TATDN1: variants seen among roughly 807,000 people sequenced by gnomAD.
TATDN1 encodes the protein TatD DNase domain containing 1.
A neutral mutation model predicts 46.4 loss-of-function variants in TATDN1; 40 were observed. The observed-to-expected ratio is 0.86, with a 90% confidence interval of 0.67 to 1.12. TATDN1 has a LOEUF of 1.12. Among genes scored for constraint, TATDN1 ranks in the 50% most tolerant of loss-of-function variants. The pLI, the probability that TATDN1 is intolerant of heterozygous loss-of-function variation, is 0.00. For missense variants in TATDN1, 326 were observed against 348.4 expected (o/e 0.94, Z 0.51); for synonymous variants, 95 against 105.6 (o/e 0.90, Z 0.62).
At chr8:124,506,372 A>ATT (rs1818435286) in intron 8 of TATDN1, among the ~76,000 whole-genome samples, 1 of 151,674 alleles carries the variant, frequency 6.6e-6, no homozygotes, top group African/African-American at 2.4e-5. Context: ...AGAAAAAAAG[A>ATT]AAAGAAATAA....
At chr8:124,513,303 T>C (rs1444397427) in intron 6 of TATDN1, among the ~76,000 whole-genome samples, 3 of 152,216 alleles carry the variant, frequency 2.0e-5, no homozygotes, top group Non-Finnish European at 4.4e-5. Flanking sequence ...TCCTCCTACT[T>C]TGTCATTAGC....
intron 1 of TATDN1, among the ~76,000 whole-genome samples, chr8:124,531,885 T>C (rs1385582434): frequency 6.6e-6 from 1 of 152,258 alleles, no homozygotes; most frequent in African/African-American, 2.4e-5. Flanking sequence ...AGATTATGTA[T>C]GAAGGTTGTT....
At chr8:124,505,277 G>A (rs574228937) in intron 8 of TATDN1, among the ~76,000 whole-genome samples, 11 of 151,492 alleles carry the variant, frequency 7.3e-5, no homozygotes, top group East Asian at 2.0e-4. Context: ...CCAACTACTC[G>A]GGAGGCTGAG....
intron 1 of TATDN1, among the ~76,000 whole-genome samples, chr8:124,533,149 G>A (rs905975927): frequency 6.6e-6 from 1 of 152,080 alleles, no homozygotes; most frequent in African/African-American, 2.4e-5. Context: ...CTACTCAGGA[G>A]GCTGAGGCAG....
chr8:124,527,087 A>C (rs1020775441), intron 1 of TATDN1, among the ~76,000 whole-genome samples: 1 of 152,236 alleles, frequency 6.6e-6, no homozygotes, highest in African/African-American at 2.4e-5. Context: ...CCTTTGGCTG[A>C]GAACAAAAGC....
intron 11 of TATDN1, among the ~76,000 whole-genome samples, chr8:124,490,754 G>GT (rs71289672): frequency 0.035 from 5,041 of 144,684 alleles, 284 homozygotes; most frequent in African/African-American, 0.12. Context: ...ACAGGTTTTT[G>GT]TTTTTTTTTT....
intron 6 of TATDN1, 72 bp from the exon 7 acceptor site, chr8:124,508,760 A>C: frequency 1.0e-6 from 1 of 959,314 alleles, no homozygotes; most frequent in Admixed American, 3.2e-5. Flanking sequence ...TGATGTCAAA[A>C]GAGCTTTTAA....
At chr8:124,532,128 G>A (rs746618082) in intron 1 of TATDN1, among the ~76,000 whole-genome samples, 3 of 152,182 alleles carry the variant, frequency 2.0e-5, no homozygotes, top group East Asian at 3.9e-4. Flanking sequence ...AGTACAACTC[G>A]GGAAGGAGCC....
chr8:124,522,885 A>C, intron 2 of TATDN1, 52 bp downstream of exon 2: 1 of 1,485,132 alleles, frequency 6.7e-7, no homozygotes, highest in South Asian at 1.1e-5. Flanking sequence ...CTCCTGAGGC[A>C]GAAAATTTGT....
At chr8:124,537,067 TAA>T (rs1231353369) in intron 1 of TATDN1, among the ~76,000 whole-genome samples, 2 of 152,314 alleles carry the variant, frequency 1.3e-5, no homozygotes, top group East Asian at 3.9e-4. Flanking sequence ...TTTATTCCAA[TAA>T]AGTCACCTTC....
At chr8:124,535,465 G>A (rs568602824) in intron 1 of TATDN1, among the ~76,000 whole-genome samples, 76 of 152,286 alleles carry the variant, frequency 5.0e-4, no homozygotes, top group South Asian at 1.9e-3. Context: ...TACCATTTTG[G>A]ACATGACCAC....
Position 124,518,864 on chromosome 8 carries a change from T to A in TATDN1, c.156A>T (p.Gly52=). Residue 52 remains glycine (G), a synonymous_variant, in exon 4 of 12, where the codon GGA becomes GGT. Transcript: ENST00000276692. ...GTGCATCTTTACTGTCTTGTAGATT[T>A]CCACCTGTAATCATAAACTGAAATA... ...IGVKKFMITG[G]NLQDSKDALH... is the part of the protein sequence containing the mutation. 1 of 1,610,554 alleles carries A rather than the reference T, an allele frequency of 6.2e-7. No homozygotes were observed. Among genetic ancestry groups the A allele is most frequent in the Non-Finnish European group, 8.5e-7 (1 of 1,177,368 alleles).
chr8:124,510,762 T>G lies in TATDN1; in HGVS notation c.390-2074A>C, dbSNP rs80355845. On this transcript the variant is annotated intron_variant, in intron 6 of 11. Transcript: ENST00000276692. Reference sequence around the variant, plus strand: ...TGCTTGAGCCTGGCGAGGTCAAGGCTGCGGTGAGCCATGATCACACCACTG... The same window carrying G: ...TGCTTGAGCCTGGCGAGGTCAAGGCGGCGGTGAGCCATGATCACACCACTG... 3.9e-5 allele frequency among the ~76,000 whole-genome samples: 6 copies of G among 152,068 alleles called. No individual in the cohort carries two copies. The East Asian group carries it at 9.6e-4, about 24-fold the overall frequency.
At chr8:124,537,674 G>A (rs1316033052) in intron 1 of TATDN1, among the ~76,000 whole-genome samples, 3 of 151,982 alleles carry the variant, frequency 2.0e-5, no homozygotes, top group Admixed American at 6.6e-5. Flanking sequence ...CTTTCTTTAC[G>A]GAGTACTTCA....
chr8:124,528,452 G>C (rs534175260), intron 1 of TATDN1, among the ~76,000 whole-genome samples: 1 of 152,052 alleles, frequency 6.6e-6, no homozygotes, highest in Non-Finnish European at 1.5e-5. Flanking sequence ...GGATCACAGG[G>C]GTGAGCCACT....
At chr8:124,513,911 C>T (rs558524605) in intron 6 of TATDN1, among the ~76,000 whole-genome samples, 59 of 152,272 alleles carry the variant, frequency 3.9e-4, no homozygotes, top group Admixed American at 2.5e-3. Flanking sequence ...AATGTGAACA[C>T]GAGAACTTTT....
intron 6 of TATDN1, among the ~76,000 whole-genome samples, chr8:124,514,681 G>A (rs1260919724): frequency 2.6e-5 from 4 of 152,116 alleles, no homozygotes; most frequent in Non-Finnish European, 2.9e-5. Flanking sequence ...AAATGCTTAC[G>A]TTTTAAATTC....
At chr8:124,489,049 A>G (rs1816679900) in intron 11 of TATDN1, 2 of 262,528 alleles carry the variant, frequency 7.6e-6, no homozygotes, top group Admixed American at 1.1e-4. Context: ...GAGCATTTTA[A>G]ACATTGACAA....
intron 1 of TATDN1, chr8:124,526,600 T>C (rs1820521711): frequency 6.6e-6 from 1 of 152,290 alleles, no homozygotes; most frequent in Non-Finnish European, 1.5e-5. Context: ...TCACCCTATA[T>C]AGATCAGTAA....
Sources: gnomAD v4.1 joint callset for allele counts (sites outside exome capture counted in the v4.1 genomes callset) on GRCh38, gnomAD v4.1.1 for gene constraint, MANE v1.5 for transcripts, NCBI Gene and HGNC (gene_info 2026-07-23, HGNC 2026-07-21) for gene names.